MMP16: variants seen among roughly 807,000 people sequenced by gnomAD.
MMP16 encodes matrix metallopeptidase 16, also known as matrix metalloproteinase-16.
Under a neutral mutation model 67.8 loss-of-function variants are expected in MMP16, and 12 were observed. The ratio of observed to expected loss-of-function variants is 0.18; its 90% CI spans 0.11 to 0.29. The LOEUF (loss-of-function observed/expected upper bound fraction) is 0.29, where lower values mean the gene tolerates loss of function less well. Among genes scored for constraint, MMP16 ranks in the 10% least tolerant of loss-of-function variants. The pLI is 1.00. For missense variants in MMP16, 475 were observed against 765.7 expected, an observed-to-expected ratio of 0.62 and a Z score of 4.48; for synonymous variants, 249 against 255.9, an observed-to-expected ratio of 0.97 and a Z score of 0.26.
At chr8:88,166,671 G>A (rs1808715917) in intron 4 of MMP16, among the ~76,000 whole-genome samples, 1 of 94,936 alleles carries the variant, frequency 1.1e-5, no homozygotes. Flanking sequence ...AGACAAAAGA[G>A]AAGGAGCAAA....
At chr8:88,144,010 C>G (rs1210214766) in intron 4 of MMP16, among the ~76,000 whole-genome samples, 1 of 151,826 alleles carries the variant, frequency 6.6e-6, no homozygotes, top group Non-Finnish European at 1.5e-5. Context: ...TCCCTGTCAT[C>G]TGGCTAAAAT....
intron 1 of MMP16, among the ~76,000 whole-genome samples, chr8:88,261,443 T>C (rs1002750419): frequency 1.1e-4 from 16 of 152,054 alleles, no homozygotes; most frequent in Non-Finnish European, 1.5e-4. Context: ...AGCATTATAA[T>C]TCTAAACTGC....
chr8:88,241,602 T>C (rs970960618), intron 1 of MMP16, among the ~76,000 whole-genome samples: 1 of 152,134 alleles, frequency 6.6e-6, no homozygotes. Flanking sequence ...GATATATTTA[T>C]GGTATATAAC....
chr8:88,247,555 A>T (rs1426125067), intron 1 of MMP16, among the ~76,000 whole-genome samples: 2 of 152,008 alleles, frequency 1.3e-5, no homozygotes, highest in Non-Finnish European at 2.9e-5. Flanking sequence ...ACAGGGAATG[A>T]GGCTCGAGGG....
chr8:88,175,639 T>C (rs1047953156), intron 3 of MMP16, among the ~76,000 whole-genome samples: 3 of 152,208 alleles, frequency 2.0e-5, no homozygotes, highest in Non-Finnish European at 4.4e-5. Context: ...TCAAGCATTA[T>C]GCTACTTTCA....
At chr8:88,079,806 GC>G (rs538248078) in intron 6 of MMP16, among the ~76,000 whole-genome samples, 2 of 152,198 alleles carry the variant, frequency 1.3e-5, no homozygotes, top group East Asian at 3.9e-4. Context: ...GAGCTGCACT[GC>G]CCCCTCCACT....
intron 1 of MMP16, among the ~76,000 whole-genome samples, chr8:88,300,622 A>G (rs1176220958): frequency 3.3e-5 from 5 of 152,222 alleles, no homozygotes; most frequent in Admixed American, 1.3e-4. Flanking sequence ...TGCATATTTT[A>G]TAAGTTAAAC....
At chr8:88,152,072 A>ACTG (rs1318660862) in intron 4 of MMP16, among the ~76,000 whole-genome samples, 14 of 35,846 alleles carry the variant, frequency 3.9e-4, no homozygotes, top group Non-Finnish European at 5.1e-5. Context: ...ACCATCAGAG[A>ACTG]ATACTACAAA....
At chr8:88,068,996 C>T (rs1156411575) in intron 7 of MMP16, among the ~76,000 whole-genome samples, 3 of 152,150 alleles carry the variant, frequency 2.0e-5, no homozygotes, top group African/African-American at 7.2e-5. Flanking sequence ...GCCACCTTAC[C>T]CGGCCAAAAT....
rs183880946 is a variant in MMP16, at chr8:88,059,834, G to A, written c.1223-3556C>T. Among the ~76,000 whole-genome samples the A allele has an allele frequency of 7.2e-5, 11 of 152,028 alleles. No individual in the cohort carries two copies. In the East Asian group the frequency reaches 1.4e-3, roughly 19 times the overall value. ...TTGGGAAGATGACCCAGAGAACACC[G>A]AGAGATTTTCCCTCTAAGCAGGGGA... On this transcript the variant is annotated intron_variant, in intron 7 of 9. Transcript: ENST00000286614.
chr8:88,156,016 T>G (rs1026184264), intron 4 of MMP16, among the ~76,000 whole-genome samples: 1 of 152,156 alleles, frequency 6.6e-6, no homozygotes, highest in Non-Finnish European at 1.5e-5. Flanking sequence ...AAATTTGTTA[T>G]GAGGAATAAA....
intron 9 of MMP16, among the ~76,000 whole-genome samples, chr8:88,043,931 T>C (rs1030332265): frequency 1.3e-5 from 2 of 152,168 alleles, no homozygotes; most frequent in African/African-American, 4.8e-5. Context: ...ACCTTCAAAA[T>C]AGGTGAATGT....
At chr8:88,259,378 T>C (rs1810352640) in intron 1 of MMP16, among the ~76,000 whole-genome samples, 2 of 152,174 alleles carry the variant, frequency 1.3e-5, no homozygotes, top group African/African-American at 4.8e-5. Flanking sequence ...AATGACAATG[T>C]TCATACACTG....
chr8:88,238,580 C>T (rs968947808), intron 1 of MMP16, among the ~76,000 whole-genome samples: 5 of 148,778 alleles, frequency 3.4e-5, no homozygotes, highest in South Asian at 2.1e-4. Flanking sequence ...GCAGGAGAAT[C>T]GCTTGAACAC....
chr8:88,071,100 A>T (rs1303408050), intron 7 of MMP16, among the ~76,000 whole-genome samples: 1 of 152,138 alleles, frequency 6.6e-6, no homozygotes, highest in Non-Finnish European at 1.5e-5. Context: ...ATACATGTGC[A>T]CATATAATTT....
intron 3 of MMP16, among the ~76,000 whole-genome samples, chr8:88,181,392 A>C (rs1228122110): frequency 6.6e-6 from 1 of 152,008 alleles, no homozygotes; most frequent in Admixed American, 6.6e-5. Context: ...TGCTAACAAT[A>C]AACAACTCAA....
At chr8:88,154,471 T>C (rs1459272972) in intron 4 of MMP16, among the ~76,000 whole-genome samples, 3 of 147,606 alleles carry the variant, frequency 2.0e-5, no homozygotes, top group African/African-American at 7.5e-5. Flanking sequence ...CCAACCCAAA[T>C]GTCCAACAAT....
intron 3 of MMP16, among the ~76,000 whole-genome samples, chr8:88,182,692 AAT>A (rs1389321438): frequency 6.6e-6 from 1 of 152,158 alleles, no homozygotes; most frequent in Non-Finnish European, 1.5e-5. Flanking sequence ...TATGATCAGC[AAT>A]GACACTCCTT....
chr8:88,106,673 A>T (rs192646080), intron 6 of MMP16, among the ~76,000 whole-genome samples: 1 of 151,332 alleles, frequency 6.6e-6, no homozygotes, highest in Non-Finnish European at 1.5e-5. Context: ...AATTTAAAAA[A>T]AACTCACTGT....
Sources: allele counts gnomAD v4.1 joint callset (sites outside exome capture counted in the v4.1 genomes callset), GRCh38; gene constraint gnomAD v4.1.1; transcripts MANE v1.5; gene names NCBI Gene and HGNC (gene_info 2026-07-23, HGNC 2026-07-21).